The following SLC3A2 variants were observed in gnomAD, a reference collection of about 807,000 sequenced individuals.
SLC3A2 encodes the protein solute carrier family 3 member 2, also known as amino acid transporter heavy chain SLC3A2.
A neutral mutation model predicts 48.5 loss-of-function variants in SLC3A2; 32 were observed. The observed-to-expected ratio is 0.66, with a 90% confidence interval of 0.50 to 0.89. The LOEUF (loss-of-function observed/expected upper bound fraction) is 0.89, where lower values mean the gene tolerates loss of function less well. Ranked by LOEUF, SLC3A2 falls within the 40% of genes least tolerant of loss-of-function variation. SLC3A2 has a pLI of 0.00. For synonymous variants in SLC3A2, 277 were observed against 288.8 expected (o/e 0.96, Z 0.41); for missense variants, 587 against 680.7 (o/e 0.86, Z 1.53).
chr11:62,870,864 T>A (rs199540960), intron 1 of SLC3A2: 22,981 of 164,094 alleles, frequency 0.14, 1,936 homozygotes, highest in Non-Finnish European at 0.19. Context: ...TAATTATTAT[T>A]ATTATTATTA....
In SLC3A2 at chr11:62,882,944, G is replaced by A. The variant is rs1186329440; in HGVS notation, c.635G>A (p.Arg212Gln). The change falls in exon 3 of 9, where the codon CGG (arginine) becomes CAG (glutamine). Residue 212 changes from arginine (R) to glutamine (Q), a missense_variant. Coordinates refer to ENST00000338663, the MANE Select transcript of SLC3A2 (RefSeq NM_001013251.3). ...ATTCTGGACCTTACTCCCAACTACC[G>A]GGGTGAGAACTCGTGGTTCTCCACT... ...RVILDLTPNY[R>Q]GENSWFSTQV... 9 of 1,613,996 alleles carry A rather than the reference G, an allele frequency of 5.6e-6. No homozygotes were observed. Among genetic ancestry groups the A allele is most frequent in the South Asian group, 4.4e-5 (4 of 91,084 alleles).
In SLC3A2 at chr11:62,884,530, G is replaced by A; in HGVS notation, c.759+5G>A. 1 of 1,614,248 alleles carries A rather than the reference G, an allele frequency of 6.2e-7. No individual in the cohort carries two copies. The highest frequency in any genetic ancestry group is 8.5e-7 in the Non-Finnish European group (1 of 1,180,040). ...CGGGACATAGAGAATCTGAAGGTGA[G>A]TTCCCTTTCCACATTAGGGACAAAG... is the stretch of plus-strand genomic sequence containing the variant. On this transcript the variant is annotated splice_donor_5th_base_variant and intron_variant, in intron 4 of 8. Coordinates refer to ENST00000338663, the MANE Select transcript of SLC3A2 (RefSeq NM_001013251.3).
intron 1 of SLC3A2, among the ~76,000 whole-genome samples, chr11:62,875,669 C>T (rs1367882384): frequency 6.6e-6 from 1 of 152,118 alleles, no homozygotes; most frequent in Non-Finnish European, 1.5e-5. Context: ...CAGGTTCAAG[C>T]GATTCTCCTG....
chr11:62,882,393 G>C (rs527725655), intron 2 of SLC3A2: 7 of 322,952 alleles, frequency 2.2e-5, no homozygotes, highest in South Asian at 2.1e-4. Flanking sequence ...ATTGTTTTAC[G>C]ACTCGATATA....
intron 1 of SLC3A2, among the ~76,000 whole-genome samples, chr11:62,872,080 A>T (rs2134991972): frequency 6.6e-6 from 1 of 151,728 alleles, no homozygotes; most frequent in Admixed American, 6.6e-5. Flanking sequence ...GCCTGGCTAA[A>T]TTTTTTTTGT....
intron 1 of SLC3A2, among the ~76,000 whole-genome samples, chr11:62,862,997 C>T (rs1386152224): frequency 6.6e-6 from 1 of 152,112 alleles, no homozygotes. Flanking sequence ...TCTCAGTTCA[C>T]TGCAACCTCT....
chr11:62,879,570 G>C (rs1016410089), upstream of SLC3A2, among the ~76,000 whole-genome samples: 1 of 152,226 alleles, frequency 6.6e-6, no homozygotes, highest in Non-Finnish European at 1.5e-5. Context: ...CTTGTTCCTA[G>C]GGTGGGGATG....
chr11:62,869,523 C>CAAAAAA (rs57962693), intron 1 of SLC3A2, among the ~76,000 whole-genome samples: 26 of 53,826 alleles, frequency 4.8e-4, no homozygotes, highest in South Asian at 8.9e-4. Context: ...GACTCCATCT[C>CAAAAAA]AAAAAAAAAA....
In SLC3A2 at chr11:62,881,246, C is replaced by T. The variant is rs1445325720; in HGVS notation, c.223C>T (p.Pro75Ser). 3.8e-6 allele frequency: 6 copies of T among 1,584,578 alleles called. No individual in the cohort carries two copies. In the East Asian group the frequency reaches 6.8e-5, roughly 18 times the overall value. ...KEELLKVAGSPGWVRTRWALL... is the reference protein window; with the variant it reads ...KEELLKVAGSSGWVRTRWALL... ...GGAGCTGCTGAAGGTGGCAGGCAGCCCCGGCTGGGTACGCACCCGCTGGGC... is the reference window on the plus strand; with the variant it reads ...GGAGCTGCTGAAGGTGGCAGGCAGCTCCGGCTGGGTACGCACCCGCTGGGC... The change falls in exon 1 of 9, where the codon CCC becomes TCC. Residue 75 changes from proline to serine, a missense_variant. Physicochemically the swap from Pro to Ser is moderately conservative, Grantham distance 74. Around this residue, in one of 3 missense-constraint regions of SLC3A2, gnomAD observed 409 missense variants for 446.7 expected, o/e 0.92. Transcript: ENST00000338663. This position sits in a 1 kb window ranked among gnomAD's most constrained non-coding sequence, Gnocchi z 4.0.
Position 62,882,043 on chromosome 11 carries a change from T to C in SLC3A2, c.575T>C (p.Leu192Pro), listed in dbSNP as rs1332664048. Reference sequence around the variant, plus strand: ...GGCTCCAAGGAAGATTTTGACAGTCTCTTGCAATCGGCTAAAAAAAAGAGT... The same window carrying C: ...GGCTCCAAGGAAGATTTTGACAGTCCCTTGCAATCGGCTAAAAAAAAGAGT... ...NFGSKEDFDS[L>P]LQSAKKKSIR... is the part of the protein sequence containing the mutation. The change falls in exon 2 of 9, where the codon CTC becomes CCC. Residue 192 changes from leucine to proline, a missense_variant. This residue lies in a region of SLC3A2 where 409 missense variants were observed against 446.7 expected (regional missense o/e 0.92). Transcript: ENST00000338663. The C allele has an allele frequency of 6.2e-7, 1 of 1,614,044 alleles. No individual in the cohort carries two copies. The highest frequency in any genetic ancestry group is 1.3e-5 in the African/African-American group (1 of 74,898).
exon 1 of SLC3A2, chr11:62,856,268 C>T (rs374162594): frequency 9.3e-6 from 15 of 1,607,914 alleles, no homozygotes; most frequent in African/African-American, 6.7e-5. Context: ...GGATCCGCCT[C>T]CATGGAGCTA....
Position 62,881,001 on chromosome 11 carries a change from G to C in SLC3A2, c.-23G>C, listed in dbSNP as rs1269163742. On this transcript the variant is annotated 5_prime_UTR_variant, in exon 1 of 9. Transcript: ENST00000338663. The surrounding 1 kb of genome is among the most constrained non-coding windows in gnomAD (Gnocchi z 4.0). ...CCACCATCTGACCGCAAGCTGCGTC[G>C]TGTCGCCGGTTCTGCAGGCACCATG... 2.5e-5 allele frequency: 38 copies of C among 1,540,190 alleles called. No individual in the cohort carries two copies. Among genetic ancestry groups the C allele is most frequent in the Non-Finnish European group, 3.2e-5 (36 of 1,140,790 alleles).
intron 1 of SLC3A2, chr11:62,856,473 C>T (rs763159290): frequency 1.7e-6 from 2 of 1,147,962 alleles, no homozygotes; most frequent in Admixed American, 4.9e-5. Context: ...TCACTGAAGA[C>T]AGGATCTGAT....
rs1442096087 is a variant in SLC3A2, at chr11:62,881,967, C to G, written c.499C>G (p.Gln167Glu). Residue 167 changes from glutamine to glutamate, a missense_variant, in exon 2 of 9, where the codon CAG becomes GAG. By Grantham distance (29) the Gln-to-Glu change is conservative (BLOSUM62 2). This residue lies in a region of SLC3A2 where 409 missense variants were observed against 446.7 expected (regional missense o/e 0.92). Transcript: ENST00000338663. This position sits in a 1 kb window ranked among gnomAD's most constrained non-coding sequence, Gnocchi z 4.0. ...TGTGCTGGGTCCAATTCACAAGAAC[C>G]AGAAGGATGATGTCGCTCAGACTGA... The part of the protein sequence containing the change: ...GLVLGPIHKN[Q>E]KDDVAQTDLL... The G allele has an allele frequency of 6.2e-7, 1 of 1,614,046 alleles. No homozygotes were observed. The highest frequency in any genetic ancestry group is 8.5e-7 in the Non-Finnish European group (1 of 1,180,048).
At chr11:62,883,118 C>A in intron 3 of SLC3A2, 119 bp downstream of exon 3, 2 of 862,374 alleles carry the variant, frequency 2.3e-6, no homozygotes, top group Non-Finnish European at 3.9e-6. Flanking sequence ...TCCTTAGGAC[C>A]AAGGAGGAAT....
At chr11:62,875,014 C>A (rs2085556731) in intron 1 of SLC3A2, among the ~76,000 whole-genome samples, 1 of 152,150 alleles carries the variant, frequency 6.6e-6, no homozygotes, top group African/African-American at 2.4e-5. Flanking sequence ...CTGCCCGCCT[C>A]ATTCTTCCAA....
In SLC3A2 at chr11:62,881,064, TG is replaced by T. The variant is rs1324036515; in HGVS notation, c.42del (p.Asn15MetfsTer3). 1.9e-6 allele frequency: 3 copies of T among 1,600,850 alleles called. No homozygotes were observed. The highest frequency in any genetic ancestry group is 2.6e-6 in the Non-Finnish European group (3 of 1,172,288). Reference sequence around the variant, plus strand: ...GAGGTGGATATGAAGGAGGTGGAGCTGAATGAGTTAGAGCCCGAGAAGCAGC... The same window carrying T: ...GAGGTGGATATGAAGGAGGTGGAGCTAATGAGTTAGAGCCCGAGAAGCAGC... Reference protein sequence around the residue: ...DTEVDMKEVELNELEPEKQPM... With the variant: ...DTEVDMKEVEXNELEPEKQPM... On this transcript the variant is annotated frameshift_variant, in exon 1 of 9. Coordinates refer to ENST00000338663, the MANE Select transcript of SLC3A2 (RefSeq NM_001013251.3). LOFTEE classifies it high-confidence loss of function. The surrounding 1 kb of genome is among the most constrained non-coding windows in gnomAD (Gnocchi z 4.0).
intron 1 of SLC3A2, among the ~76,000 whole-genome samples, chr11:62,873,662 A>T (rs900825414): frequency 7.2e-5 from 11 of 152,100 alleles, no homozygotes; most frequent in African/African-American, 2.7e-4. Flanking sequence ...TTATAGAGAC[A>T]CGGGGTCTTG....
chr11:62,860,619 A>T (rs2085389467), intron 1 of SLC3A2, among the ~76,000 whole-genome samples: 1 of 152,148 alleles, frequency 6.6e-6, no homozygotes, highest in Admixed American at 6.6e-5. Context: ...TCTCAACTGC[A>T]AAGAGGCCTT....
Sources: gnomAD v4.1 joint callset for allele counts (sites outside exome capture counted in the v4.1 genomes callset) on GRCh38, gnomAD v4.1.1 for gene constraint, gnomAD v4.1.1 regional missense constraint, Gnocchi (gnomAD v3.1) non-coding constraint, MANE v1.5 for transcripts, NCBI Gene and HGNC (gene_info 2026-07-23, HGNC 2026-07-21) for gene names.